BIRC7: variants seen among roughly 807,000 people sequenced by gnomAD.
BIRC7 encodes baculoviral IAP repeat-containing protein 7.
In BIRC7, 26 loss-of-function variants were observed where a neutral mutation model predicts 33.2. That is an observed-to-expected ratio of 0.78 (90% CI 0.57 to 1.09). The LOEUF is 1.09. Among genes scored for constraint, BIRC7 ranks in the 50% least tolerant of loss-of-function variants. The probability of loss-of-function intolerance (pLI) is 0.00; values close to 1 mark genes in which losing one functional copy is unlikely to be tolerated. For synonymous variants in BIRC7, 176 were observed against 171.0 expected, an observed-to-expected ratio of 1.03 and a Z score of -0.23; for missense variants, 409 against 401.2, an observed-to-expected ratio of 1.02 and a Z score of -0.17.
chr20:63,239,100 T>C lies in BIRC7; in HGVS notation c.578-62T>C. 4 of 1,545,906 alleles carry C rather than the reference T, an allele frequency of 2.6e-6. No homozygotes were observed. In the South Asian group the frequency reaches 4.5e-5, roughly 17 times the overall value. Reference sequence around the variant, plus strand: ...GGACCCCACAGGCTGCAGACCTGTATCTGGGCCGGCCCAGCTTTCTCCTTG... The same window carrying C: ...GGACCCCACAGGCTGCAGACCTGTACCTGGGCCGGCCCAGCTTTCTCCTTG... On this transcript the variant is annotated intron_variant, in intron 4 of 6. Transcript: ENST00000217169.
rs1402156537 is a variant in BIRC7 at position 63,236,228 on chromosome 20, CT to C, written c.133del (p.Cys45AlafsTer18). ...GCAGCCCTGTCCTAGGCCTGGACAC[CT>C]GCAGAGCCTGGGACCACGTGGATGG... Reference protein sequence around the residue: ...LGSPVLGLDTCRAWDHVDGQI... With the variant: ...LGSPVLGLDTXRAWDHVDGQI... On this transcript the variant is annotated frameshift_variant, in exon 1 of 7. Coordinates refer to ENST00000217169, the MANE Select transcript of BIRC7 (RefSeq NM_139317.3). LOFTEE classifies it high-confidence loss of function. 2 of 1,592,956 alleles carry C rather than the reference CT, an allele frequency of 1.3e-6. No homozygotes were observed. The highest frequency in any genetic ancestry group is 3.5e-5 in the Admixed American group (2 of 57,036).
intron 4 of BIRC7, 190 bp downstream of exon 4, chr20:63,238,804 T>C: frequency 2.6e-6 from 2 of 763,662 alleles, no homozygotes; most frequent in Non-Finnish European, 4.2e-6. Context: ...GGCAGGGGCC[T>C]CCCCCAGTGC....
In BIRC7 at chr20:63,238,007, C is replaced by A; in HGVS notation, c.449+5C>A. 6.3e-7 allele frequency: 1 copy of A among 1,586,476 alleles called. No homozygotes were observed. Among genetic ancestry groups the A allele is most frequent in the Non-Finnish European group, 8.6e-7 (1 of 1,169,164 alleles). On this transcript the variant is annotated splice_donor_5th_base_variant and intron_variant, in intron 2 of 6. Transcript: ENST00000217169. ...GCATGCCAAGTGGTTCCCCAGGTACCGGCTGCCCCTGCGGGGCCCCGGGTC... is the reference window on the plus strand; with the variant it reads ...GCATGCCAAGTGGTTCCCCAGGTACAGGCTGCCCCTGCGGGGCCCCGGGTC...
chr20:63,237,217 C>T (rs576294074), intron 1 of BIRC7, among the ~76,000 whole-genome samples: 4 of 152,308 alleles, frequency 2.6e-5, no homozygotes, highest in South Asian at 4.1e-4. Context: ...AGTCAGAAGC[C>T]GTGGCGTGAA....
chr20:63,238,487 A>G lies in BIRC7; in HGVS notation c.531+10A>G. 6.2e-7 allele frequency: 1 copy of G among 1,612,830 alleles called. No individual in the cohort carries two copies. Among genetic ancestry groups the G allele is most frequent in the Non-Finnish European group, 8.5e-7 (1 of 1,179,856 alleles). Reference sequence around the variant, plus strand: ...GCTGCTGGGCTCCTGGGTGAGCGCCACCTCTCCTCGGGGCTCCGGGTGGCA... The same window carrying G: ...GCTGCTGGGCTCCTGGGTGAGCGCCGCCTCTCCTCGGGGCTCCGGGTGGCA... On this transcript the variant is annotated intron_variant, in intron 3 of 6. Coordinates refer to ENST00000217169, the MANE Select transcript of BIRC7 (RefSeq NM_139317.3).
intron 4 of BIRC7, 99 bp downstream of exon 4, chr20:63,238,713 G>A: frequency 6.7e-7 from 1 of 1,491,852 alleles, no homozygotes; most frequent in African/African-American, 1.4e-5. Context: ...AGCAGGGAGA[G>A]TGACGGGCAC....
At position 63,238,148 on chromosome 20, in the gene BIRC7, C is replaced by T. The variant is rs1027920356; in HGVS notation, c.449+146C>T. The T allele has an allele frequency of 1.9e-5, 17 of 894,142 alleles. No homozygotes were observed. The Admixed American group carries it at 2.0e-4, about 11-fold the overall frequency. The allele number at this position is 894,142 out of a possible 1,614,324, so 55.4% of individuals were successfully genotyped here. A position where few individuals can be genotyped will look rare whatever the true frequency, so the allele number is the denominator to read the frequency against. On this transcript the variant is annotated intron_variant, in intron 2 of 6. Transcript: ENST00000217169. ...GCCCTTCTGTGGGAGGTGCTTCTGG[C>T]CGGCAGGTACCCACTTTTCCTGTGA...
At chr20:63,238,655 G>A in intron 4 of BIRC7, 41 bp downstream of exon 4, 3 of 1,608,772 alleles carry the variant, frequency 1.9e-6, no homozygotes, top group Non-Finnish European at 2.5e-6. Context: ...TTGTGCGCCT[G>A]CAGCCTGTGC....
At chr20:63,238,516 G>A (rs774534364) in intron 3 of BIRC7, 39 bp downstream of exon 3, 22 of 1,612,992 alleles carry the variant, frequency 1.4e-5, no homozygotes, top group Middle Eastern at 1.7e-4. Context: ...GGTGGCAGTG[G>A]GGTCCTGCCC....
In BIRC7 at chr20:63,239,346, C is replaced by A; in HGVS notation, c.650-12C>A. 6.2e-7 allele frequency: 1 copy of A among 1,602,512 alleles called. No homozygotes were observed. Reference sequence around the variant, plus strand: ...CAGGGTGTGGGGACATTTCGCAGGCCTGTCCTCCTAGGAGGGGTCAGTCCA... The same window carrying A: ...CAGGGTGTGGGGACATTTCGCAGGCATGTCCTCCTAGGAGGGGTCAGTCCA... On this transcript the variant is annotated splice_polypyrimidine_tract_variant and intron_variant, in intron 5 of 6. Coordinates refer to ENST00000217169, the MANE Select transcript of BIRC7 (RefSeq NM_139317.3).
At chr20:63,237,016 T>C (rs866040986) in intron 1 of BIRC7, among the ~76,000 whole-genome samples, 22 of 152,216 alleles carry the variant, frequency 1.4e-4, no homozygotes, top group African/African-American at 5.1e-4. Flanking sequence ...CTGCAGACCA[T>C]GTGGTCAGAC....
Position 63,236,409 on chromosome 20 carries a change from C to G in BIRC7, c.313C>G (p.Pro105Ala), listed in dbSNP as rs556501184. 1.5e-5 allele frequency: 24 copies of G among 1,552,068 alleles called. No individual in the cohort carries two copies. Among genetic ancestry groups the G allele is most frequent in the Non-Finnish European group, 2.0e-5 (23 of 1,147,062 alleles). ...YDWPLTAEVP[P>A]ELLAAAGFFH... Reference sequence around the variant, plus strand: ...CTGGCCGCTGACTGCTGAGGTGCCACCCGAGCTGCTGGCTGCTGCCGGCTT... The same window carrying G: ...CTGGCCGCTGACTGCTGAGGTGCCAGCCGAGCTGCTGGCTGCTGCCGGCTT... Residue 105 changes from proline (P) to alanine (A), a missense_variant, in exon 1 of 7, where the codon CCC (proline) becomes GCC (alanine). Transcript: ENST00000217169.
Position 63,235,998 on chromosome 20 carries a change from G to T in BIRC7, c.-99G>T, listed in dbSNP as rs573504845. 1 of 1,408,950 alleles carries T rather than the reference G, an allele frequency of 7.1e-7. No homozygotes were observed. Among genetic ancestry groups the T allele is most frequent in the East Asian group, 2.5e-5 (1 of 39,526 alleles). The allele number at this position is 1,408,950 out of a possible 1,614,324, so 87.3% of individuals were successfully genotyped here. A position where few individuals can be genotyped will look rare whatever the true frequency, so the allele number is the denominator to read the frequency against. On this transcript the variant is annotated 5_prime_UTR_variant, in exon 1 of 7. Coordinates refer to ENST00000217169, the MANE Select transcript of BIRC7 (RefSeq NM_139317.3). ...CCCTGCTGTCCCCAGGGTGGGCCCCGGGGGTCAGGAGCTCCAGAAGGGCCA... is the reference window on the plus strand; with the variant it reads ...CCCTGCTGTCCCCAGGGTGGGCCCCTGGGGTCAGGAGCTCCAGAAGGGCCA...
At chr20:63,239,306 A>C in intron 5 of BIRC7, 52 bp from the exon 6 acceptor site, 2 of 1,605,182 alleles carry the variant, frequency 1.2e-6, no homozygotes, top group Middle Eastern at 1.7e-4. Context: ...TCCATGGCCC[A>C]TAGAGGGTGG....
At position 63,236,464 on chromosome 20, in the gene BIRC7, G is replaced by T; in HGVS notation, c.349+19G>T. The T allele has an allele frequency of 6.6e-7, 1 of 1,508,068 alleles. No individual in the cohort carries two copies. The highest frequency in any genetic ancestry group is 2.3e-5 in the East Asian group (1 of 43,906). 93.4% of individuals were successfully genotyped at this position (1,508,068 alleles called of 1,614,324 possible). ...CACACAGGTCAGTCCCGGGCGGGGG[G>T]GCCTTCCTGCCGTGGGCCTGGGCAC... is the stretch of plus-strand genomic sequence containing the variant. On this transcript the variant is annotated intron_variant, in intron 1 of 6. Coordinates refer to ENST00000217169, the MANE Select transcript of BIRC7 (RefSeq NM_139317.3).
chr20:63,238,063 G>A, intron 2 of BIRC7, 61 bp downstream of exon 2: 1 of 1,408,982 alleles, frequency 7.1e-7, no homozygotes, highest in Non-Finnish European at 9.5e-7. Flanking sequence ...GCCCCCAACG[G>A]CTCTGTCGAC....
chr20:63,237,831 C>A, intron 1 of BIRC7, 72 bp from the exon 2 acceptor site: 1 of 1,372,224 alleles, frequency 7.3e-7, no homozygotes, highest in Non-Finnish European at 9.8e-7. Flanking sequence ...CTCTCATAGC[C>A]TTGGAAGGAC....
In BIRC7 at chr20:63,236,445, G is replaced by A. The variant is rs780013871; in HGVS notation, c.349G>A (p.Gly117Ser). The A allele has an allele frequency of 1.3e-6, 2 of 1,526,460 alleles. No individual in the cohort carries two copies. Among genetic ancestry groups the A allele is most frequent in the East Asian group, 4.5e-5 (2 of 44,026 alleles). 94.6% of individuals were successfully genotyped at this position (1,526,460 alleles called of 1,614,324 possible). A position where few individuals can be genotyped will look rare whatever the true frequency, so the allele number is the denominator to read the frequency against. ...GGCTGCTGCCGGCTTCTTCCACACA[G>A]GTCAGTCCCGGGCGGGGGGGCCTTC... is the stretch of plus-strand genomic sequence containing the variant. Reference protein sequence around the residue: ...LLAAAGFFHTGHQDKVRCFFC... With the variant: ...LLAAAGFFHTSHQDKVRCFFC... The change falls in exon 1 of 7, where the codon GGC becomes AGC. Residue 117 changes from glycine (G) to serine (S), a missense_variant and splice_region_variant. Gly to Ser is a moderately conservative substitution (Grantham distance 56). Transcript: ENST00000217169.
chr20:63,236,352 T>C lies in BIRC7; in HGVS notation c.256T>C (p.Ser86Pro). Reference protein sequence around the residue: ...SRGPAFPGMGSEELRLASFYD... With the variant: ...SRGPAFPGMGPEELRLASFYD... ...GGGGCCTGCCTTCCCCGGCATGGGC[T>C]CTGAGGAGTTGCGTCTGGCCTCCTT... The change falls in exon 1 of 7, where the codon TCT (serine) becomes CCT (proline). Residue 86 changes from serine (S) to proline (P), a missense_variant. Ser to Pro is a moderately conservative substitution (Grantham distance 74). Coordinates refer to ENST00000217169, the MANE Select transcript of BIRC7 (RefSeq NM_139317.3). 2 of 1,599,162 alleles carry C rather than the reference T, an allele frequency of 1.3e-6. No individual in the cohort carries two copies. Among genetic ancestry groups the C allele is most frequent in the Non-Finnish European group, 1.7e-6 (2 of 1,170,582 alleles).
Sources: allele counts gnomAD v4.1 joint callset (sites outside exome capture counted in the v4.1 genomes callset), GRCh38; gene constraint gnomAD v4.1.1; transcripts MANE v1.5; gene names NCBI Gene and HGNC (gene_info 2026-07-23, HGNC 2026-07-21).